The following CRADD variants were observed in gnomAD, a reference collection of about 807,000 sequenced individuals.
The protein encoded by CRADD is death domain-containing protein CRADD.
Under a neutral mutation model 15.5 loss-of-function variants are expected in CRADD, and 9 were observed. The observed-to-expected ratio is 0.58, with a 90% CI of 0.35 to 1.01. The LOEUF (loss-of-function observed/expected upper bound fraction) is 1.01, where lower values mean the gene tolerates loss of function less well. CRADD is among the 50% of genes least tolerant of loss of function. The pLI is 0.02. For missense variants in CRADD, 227 were observed against 250.3 expected, an observed-to-expected ratio of 0.91 and a Z score of 0.63; for synonymous variants, 118 against 107.6, an observed-to-expected ratio of 1.10 and a Z score of -0.60.
intron 2 of CRADD, among the ~76,000 whole-genome samples, chr12:93,879,932 A>G (rs1958484120): frequency 6.6e-6 from 1 of 152,208 alleles, no homozygotes; most frequent in African/African-American, 2.4e-5. Flanking sequence ...GAAAATTAGC[A>G]TATTCAGATT....
chr12:93,738,572 TC>T (rs1441754964), intron 2 of CRADD: 1 of 675,144 alleles, frequency 1.5e-6, no homozygotes, highest in East Asian at 2.7e-5. Flanking sequence ...CTCACCCCGC[TC>T]CCACCGCCAC....
chr12:93,818,739 G>A lies in CRADD; in HGVS notation c.299-31231G>A, dbSNP rs921916166. 2.0e-5 allele frequency among the ~76,000 whole-genome samples: 3 copies of A among 152,214 alleles called. No individual in the cohort carries two copies. In the South Asian group the frequency reaches 6.2e-4, roughly 32 times the overall value. On this transcript the variant is annotated intron_variant, in intron 2 of 2. Transcript: ENST00000332896. ...AGTGGCTGTTCTCTGACACTTATCA[G>A]CCCCTAAGGAACAGGACAGGAAGGA...
At position 93,735,186 on chromosome 12, in the gene CRADD, G is replaced by A. The variant is rs574073608; in HGVS notation, c.298+56114G>A. On this transcript the variant is annotated intron_variant, in intron 2 of 2. Coordinates refer to ENST00000332896, the MANE Select transcript of CRADD (RefSeq NM_003805.5). ...CCCTGGCAGCATGGAAACCCAGAGC[G>A]GCACAAGCGAGTTCAAATGCTTATG... Among the ~76,000 whole-genome samples the A allele has an allele frequency of 1.7e-3, 257 of 152,270 alleles. 4 individuals are homozygous for A. The Middle Eastern group carries it at 0.024, about 14-fold the overall frequency.
Position 93,764,053 on chromosome 12 carries a change from C to A in CRADD, c.298+84981C>A, listed in dbSNP as rs375734404. On this transcript the variant is annotated intron_variant, in intron 2 of 2. Coordinates refer to ENST00000332896, the MANE Select transcript of CRADD (RefSeq NM_003805.5). Reference sequence around the variant, plus strand: ...GGCAGACAGAATGTGAAGAGCCAGCCAGGGTCCCAAGATGATGCTGGAGCC... The same window carrying A: ...GGCAGACAGAATGTGAAGAGCCAGCAAGGGTCCCAAGATGATGCTGGAGCC... Among the ~76,000 whole-genome samples, 21 of 152,274 alleles carry A rather than the reference C, an allele frequency of 1.4e-4. 2 individuals carry two copies. Among genetic ancestry groups the A allele is most frequent in the Admixed American group, 1.2e-3 (19 of 15,300 alleles).
intron 2 of CRADD, among the ~76,000 whole-genome samples, chr12:93,745,306 A>T (rs1048624177): frequency 1.3e-5 from 2 of 152,242 alleles, no homozygotes; most frequent in Non-Finnish European, 2.9e-5. Flanking sequence ...GGCAAATTCT[A>T]GTGCTTTGAA....
chr12:93,820,701 GTTC>G (rs746209078), intron 2 of CRADD, among the ~76,000 whole-genome samples: 4 of 152,212 alleles, frequency 2.6e-5, no homozygotes, highest in Non-Finnish European at 4.4e-5. Flanking sequence ...AAGTATAGTG[GTTC>G]TTCTTTTCAG....
At chr12:93,690,465 A>G (rs1955539111) in intron 2 of CRADD, among the ~76,000 whole-genome samples, 1 of 152,254 alleles carries the variant, frequency 6.6e-6, no homozygotes, top group Non-Finnish European at 1.5e-5. Flanking sequence ...GGAGCAGCAT[A>G]GGTCTCCTTA....
At chr12:93,806,476 A>AAG (rs1957540629) in intron 2 of CRADD, among the ~76,000 whole-genome samples, 3 of 150,176 alleles carry the variant, frequency 2.0e-5, no homozygotes, top group African/African-American at 4.9e-5. Flanking sequence ...AAAAAAACAA[A>AAG]AAAAAGAAAA....
At chr12:93,773,032 A>G (rs1957101089) in intron 2 of CRADD, among the ~76,000 whole-genome samples, 1 of 152,250 alleles carries the variant, frequency 6.6e-6, no homozygotes, top group South Asian at 2.1e-4. Context: ...ACTTTGAAGC[A>G]GTATGATGTT....
rs113398239 is a variant in CRADD, at chr12:93,839,567, G to A, written c.299-10403G>A. The stretch of plus-strand genomic sequence containing the variant: ...CTGTCCGATCTTTATTTCCATTGGC[G>A]GTGAACAACGTTCTCTACATCACGT... On this transcript the variant is annotated intron_variant, in intron 2 of 2. Coordinates refer to ENST00000332896, the MANE Select transcript of CRADD (RefSeq NM_003805.5). Among the ~76,000 whole-genome samples, 1,178 of 152,250 alleles carry A rather than the reference G, an allele frequency of 7.7e-3. 3 individuals carry two copies. Among genetic ancestry groups the A allele is most frequent in the Non-Finnish European group, 0.013 (901 of 68,020 alleles).
intron 2 of CRADD, among the ~76,000 whole-genome samples, chr12:93,742,900 A>T (rs1956698427): frequency 6.6e-6 from 1 of 152,176 alleles, no homozygotes; most frequent in Non-Finnish European, 1.5e-5. Context: ...GAGGGGGGTC[A>T]GGCTGCCCTC....
At chr12:93,860,964 G>A (rs1338719524) in intron 2 of CRADD, among the ~76,000 whole-genome samples, 1 of 152,186 alleles carries the variant, frequency 6.6e-6, no homozygotes, top group Non-Finnish European at 1.5e-5. Flanking sequence ...CGGAGCGCCA[G>A]GCTGCTTGTG....
At chr12:93,812,989 A>G (rs1438221603) in intron 2 of CRADD, among the ~76,000 whole-genome samples, 4 of 152,196 alleles carry the variant, frequency 2.6e-5, no homozygotes, top group African/African-American at 4.8e-5. Context: ...TTTTGTATCA[A>G]TTTTTTGTAT....
At chr12:93,677,692 C>T (rs1349297539) in intron 1 of CRADD, 1 of 152,250 alleles carries the variant, frequency 6.6e-6, no homozygotes, top group African/African-American at 2.4e-5. Flanking sequence ...CCGCAGAAAC[C>T]GCCCGTAGTC....
At chr12:93,686,304 CAAAAA>C (rs59096792) in intron 2 of CRADD, among the ~76,000 whole-genome samples, 1 of 65,984 alleles carries the variant, frequency 1.5e-5, no homozygotes, top group Non-Finnish European at 2.7e-5. Flanking sequence ...CCATCCCCCC[CAAAAA>C]AAAAAAAAAA....
intron 2 of CRADD, among the ~76,000 whole-genome samples, chr12:93,784,325 A>T (rs1957248847): frequency 6.6e-6 from 1 of 152,098 alleles, no homozygotes; most frequent in Non-Finnish European, 1.5e-5. Context: ...CACTGCACTA[A>T]GTCTTTTGAA....
At chr12:93,852,959 G>GA (rs765222159), downstream of CRADD, among the ~76,000 whole-genome samples, 8 of 150,128 alleles carry the variant, frequency 5.3e-5, no homozygotes, top group South Asian at 4.2e-4. Flanking sequence ...ATGGCAGTTT[G>GA]AAAAAAAACA....
chr12:93,830,789 A>G (rs894272995), intron 2 of CRADD, among the ~76,000 whole-genome samples: 2 of 152,190 alleles, frequency 1.3e-5, no homozygotes, highest in Non-Finnish European at 2.9e-5. Flanking sequence ...TATCTCCTTC[A>G]TTGAAATAAG....
rs1339842762 is a variant in CRADD at position 93,828,425 on chromosome 12, C to T, written c.299-21545C>T. Among the ~76,000 whole-genome samples the T allele has an allele frequency of 3.9e-5, 6 of 152,330 alleles. No individual in the cohort carries two copies. The East Asian group carries it at 7.7e-4, about 20-fold the overall frequency. ...TAATTCATCTATGTTTTCTTCCAGACGTTCCATAGTTTTAGGTTTTCCATT... is the reference window on the plus strand; with the variant it reads ...TAATTCATCTATGTTTTCTTCCAGATGTTCCATAGTTTTAGGTTTTCCATT... On this transcript the variant is annotated intron_variant, in intron 2 of 2. Transcript: ENST00000332896.
Sources: allele counts gnomAD v4.1 joint callset (sites outside exome capture counted in the v4.1 genomes callset), GRCh38; gene constraint gnomAD v4.1.1; transcripts MANE v1.5; gene names NCBI Gene and HGNC (gene_info 2026-07-23, HGNC 2026-07-21).